The following COL22A1 variants were observed in gnomAD, a reference collection of about 807,000 sequenced individuals.
COL22A1 encodes collagen type XXII alpha 1 chain, also known as collagen alpha-1(XXII) chain.
A neutral mutation model predicts 248.9 loss-of-function variants in COL22A1; 221 were observed. The observed-to-expected ratio is 0.89, with a 90% confidence interval of 0.80 to 0.99. The LOEUF is 0.99. COL22A1 is among the 50% of genes least tolerant of loss of function. The pLI, the probability that COL22A1 is intolerant of heterozygous loss-of-function variation, is 0.00. For missense variants in COL22A1, 2,240 were observed against 2,179.0 expected (o/e 1.03, Z -0.56); for synonymous variants, 891 against 793.4 (o/e 1.12, Z -2.07).
Position 138,826,684 on chromosome 8 carries a change from C to G in COL22A1, c.943G>C (p.Val315Leu). The G allele has an allele frequency of 3.1e-6, 5 of 1,613,914 alleles. No homozygotes were observed. Among genetic ancestry groups the G allele is most frequent in the Non-Finnish European group, 4.2e-6 (5 of 1,179,914 alleles). ...SRKEDWYIWQVIDQYSIPQVS... is the reference protein window; with the variant it reads ...SRKEDWYIWQLIDQYSIPQVS... Reference sequence around the variant, plus strand: ...TGTGGGATGCTGTACTGGTCGATGACCTGCCAGATATACCAGTCTTCCTTC... The same window carrying G: ...TGTGGGATGCTGTACTGGTCGATGAGCTGCCAGATATACCAGTCTTCCTTC... The change falls in exon 6 of 65, where the codon GTC (valine) becomes CTC (leucine). Residue 315 changes from valine (V) to leucine (L), a missense_variant. Physicochemically the swap from Val to Leu is conservative, Grantham distance 32. Coordinates refer to ENST00000303045, the MANE Select transcript of COL22A1 (RefSeq NM_152888.3).
intron 7 of COL22A1, among the ~76,000 whole-genome samples, chr8:138,817,798 C>T (rs1209555560): frequency 2.0e-5 from 3 of 152,148 alleles, no homozygotes; most frequent in African/African-American, 7.2e-5. Flanking sequence ...GTTTTATAAG[C>T]ACTTCACATA....
intron 4 of COL22A1, among the ~76,000 whole-genome samples, chr8:138,835,088 C>T (rs985101271): frequency 3.9e-5 from 6 of 152,106 alleles, no homozygotes; most frequent in African/African-American, 9.7e-5. Context: ...CTCTGGCCTG[C>T]GATGGTCTGG....
intron 1 of COL22A1, among the ~76,000 whole-genome samples, chr8:138,911,642 A>G (rs531298775): frequency 6.6e-5 from 10 of 152,246 alleles, no homozygotes; most frequent in Non-Finnish European, 1.2e-4. Flanking sequence ...TAAGATTTGT[A>G]ACATGAAATC....
chr8:138,614,344 T>A lies in COL22A1; in HGVS notation c.3925-424A>T, dbSNP rs747408493. On this transcript the variant is annotated intron_variant, in intron 55 of 64. Transcript: ENST00000303045. ...AGGTGCATAGGACCTGCCAGCTTGC[T>A]AAGCAGTGTGATTCACCACCACCTT... Among the ~76,000 whole-genome samples the A allele has an allele frequency of 7.0e-4, 106 of 152,208 alleles. 6 individuals are homozygous for A. The highest frequency in any genetic ancestry group is 8.8e-5 in the Non-Finnish European group (6 of 68,026).
In COL22A1 at chr8:138,588,935, A is replaced by C. The variant is rs1161394926; in HGVS notation, c.*318T>G. 1 of 209,410 alleles carries C rather than the reference A, an allele frequency of 4.8e-6. No homozygotes were observed. Among genetic ancestry groups the C allele is most frequent in the Non-Finnish European group, 9.4e-6 (1 of 106,888 alleles). 13.0% of individuals were successfully genotyped at this position (209,410 alleles called of 1,614,324 possible). A position where few individuals can be genotyped will look rare whatever the true frequency, so the allele number is the denominator to read the frequency against. Reference sequence around the variant, plus strand: ...CAGATGGGGGCTGTCAGAAGAATGAAGAAACAATCTCCTGCCCCACGAATC... The same window carrying C: ...CAGATGGGGGCTGTCAGAAGAATGACGAAACAATCTCCTGCCCCACGAATC... On this transcript the variant is annotated 3_prime_UTR_variant, in exon 65 of 65. Transcript: ENST00000303045.
At position 138,591,542 on chromosome 8, in the gene COL22A1, G is replaced by A. The variant is rs201707687; in HGVS notation, c.4616-41C>T. On this transcript the variant is annotated intron_variant, in intron 63 of 64. Transcript: ENST00000303045. Reference sequence around the variant, plus strand: ...TGCACTTTTGATGGTGGAGACCCCCGGGGAGGACAGAAACTGGGCGTCCCA... The same window carrying A: ...TGCACTTTTGATGGTGGAGACCCCCAGGGAGGACAGAAACTGGGCGTCCCA... 7.0e-5 allele frequency: 101 copies of A among 1,447,012 alleles called. No homozygotes were observed. In the East Asian group the frequency reaches 1.2e-3, roughly 17 times the overall value. 89.6% of individuals were successfully genotyped at this position (1,447,012 alleles called of 1,614,324 possible).
intron 1 of COL22A1, among the ~76,000 whole-genome samples, chr8:138,886,673 A>G (rs1045685253): frequency 6.6e-6 from 1 of 152,218 alleles, no homozygotes; most frequent in African/African-American, 2.4e-5. Context: ...AAAGAGTATT[A>G]AGAGCCTGTT....
At chr8:138,741,939 T>A (rs1056984452) in intron 22 of COL22A1, among the ~76,000 whole-genome samples, 17 of 149,444 alleles carry the variant, frequency 1.1e-4, no homozygotes, top group Non-Finnish European at 1.6e-4. Flanking sequence ...ATGATGGTGG[T>A]GATGGTGATG....
chr8:138,695,518 A>G (rs1827436495), intron 32 of COL22A1, among the ~76,000 whole-genome samples: 1 of 151,954 alleles, frequency 6.6e-6, no homozygotes, highest in Non-Finnish European at 1.5e-5. Context: ...CTTTCTAGAT[A>G]GAGAAGCTGG....
In COL22A1 at chr8:138,702,389, C is replaced by T. The variant is rs568867663; in HGVS notation, c.2559+917G>A. Among the ~76,000 whole-genome samples, 8 of 152,264 alleles carry T rather than the reference C, an allele frequency of 5.3e-5. No individual in the cohort carries two copies. The East Asian group carries it at 1.2e-3, about 22-fold the overall frequency. ...AGACAGAGCTGTGGAATAATGATTTCGGTGTGATGAAAAGCACAGAGTAAG... is the reference window on the plus strand; with the variant it reads ...AGACAGAGCTGTGGAATAATGATTTTGGTGTGATGAAAAGCACAGAGTAAG... On this transcript the variant is annotated intron_variant, in intron 31 of 64. Transcript: ENST00000303045.
At chr8:138,593,899 A>G in intron 63 of COL22A1, 118 bp downstream of exon 63, 3 of 752,884 alleles carry the variant, frequency 4.0e-6, no homozygotes, top group Non-Finnish European at 6.1e-6. Context: ...TCTGGGTGTT[A>G]CCAAGCTACA....
intron 2 of COL22A1, among the ~76,000 whole-genome samples, chr8:138,878,771 G>A (rs1355196080): frequency 6.6e-6 from 1 of 152,194 alleles, no homozygotes; most frequent in African/African-American, 2.4e-5. Context: ...ACTTTGGGAG[G>A]CCAAGGCGGG....
intron 23 of COL22A1, among the ~76,000 whole-genome samples, chr8:138,727,566 A>T (rs1186550281): frequency 6.6e-6 from 1 of 152,186 alleles, no homozygotes. Context: ...CTAGAGGGCG[A>T]GAAATACCAA....
chr8:138,630,727 C>T lies in COL22A1; in HGVS notation c.3631G>A (p.Ala1211Thr), dbSNP rs1820645263. 4 of 1,613,780 alleles carry T rather than the reference C, an allele frequency of 2.5e-6. No homozygotes were observed. Among genetic ancestry groups the T allele is most frequent in the African/African-American group, 1.3e-5 (1 of 74,900 alleles). Residue 1211 changes from alanine to threonine, a missense_variant, in exon 50 of 65, where the codon GCT (alanine) becomes ACT (threonine). By Grantham distance (58) the Ala-to-Thr change is moderately conservative. Transcript: ENST00000303045. ...GPPGADGIAG[A>T]AGPPGIQGSP... ...CCTTGGATTCCTGGTGGTCCAGCAG[C>T]TCCTGCAATTCCATCTGCCCCCTAA...
chr8:138,809,057 C>A (rs1203660044), intron 9 of COL22A1, among the ~76,000 whole-genome samples: 1 of 125,172 alleles, frequency 8.0e-6, no homozygotes, highest in Non-Finnish European at 1.8e-5. Flanking sequence ...CCTAGGCCCC[C>A]TGTGTTGTAT....
chr8:138,833,722 T>C (rs879672078), intron 4 of COL22A1, among the ~76,000 whole-genome samples: 3 of 152,240 alleles, frequency 2.0e-5, no homozygotes, highest in Admixed American at 2.0e-4. Flanking sequence ...TAGTTCAGTT[T>C]AATTTCCCTC....
At chr8:138,636,480 AGAAAGGAAAG>A (rs758849864) in intron 48 of COL22A1, among the ~76,000 whole-genome samples, 1,486 of 46,556 alleles carry the variant, frequency 0.032, 57 homozygotes, top group African/African-American at 0.088. Context: ...AAGAGAAGGA[AGAAAGGAAAG>A]GAAAGGAAAG....
At chr8:138,703,088 T>A (rs1828099029) in intron 31 of COL22A1, among the ~76,000 whole-genome samples, 1 of 152,220 alleles carries the variant, frequency 6.6e-6, no homozygotes, top group South Asian at 2.1e-4. Flanking sequence ...CCCATTCTGA[T>A]AAATAATTGT....
chr8:138,635,232 T>C (rs1043234958), intron 48 of COL22A1, among the ~76,000 whole-genome samples, 169 bp from the exon 49 acceptor site: 2 of 152,152 alleles, frequency 1.3e-5, no homozygotes, highest in African/African-American at 4.8e-5. Flanking sequence ...ATCTCAATAA[T>C]AACTGACAAC....
Sources: allele counts gnomAD v4.1 joint callset (sites outside exome capture counted in the v4.1 genomes callset), GRCh38; gene constraint gnomAD v4.1.1; transcripts MANE v1.5; gene names NCBI Gene and HGNC (gene_info 2026-07-23, HGNC 2026-07-21).